Variants in SLC35D2 observed in about 807,000 individuals in gnomAD.
The protein encoded by SLC35D2 is nucleotide sugar transporter SLC35D2.
A neutral mutation model predicts 41.8 loss-of-function variants in SLC35D2; 43 were observed. The ratio of observed to expected loss-of-function variants is 1.03; its 90% CI spans 0.81 to 1.33. The LOEUF is 1.33. SLC35D2 is among the 40% of genes most tolerant of loss of function. The probability of loss-of-function intolerance (pLI) is 0.00; values close to 1 mark genes in which losing one functional copy is unlikely to be tolerated. For missense variants in SLC35D2, 380 were observed against 408.4 expected (o/e 0.93, Z 0.60); for synonymous variants, 150 against 163.9 (o/e 0.92, Z 0.65).
chr9:96,325,596 T>C (rs1167805667), intron 9 of SLC35D2, among the ~76,000 whole-genome samples: 1 of 152,136 alleles, frequency 6.6e-6, no homozygotes, highest in Admixed American at 6.5e-5. Flanking sequence ...AGCAGGAGAA[T>C]TGCTTGAACC....
chr9:96,382,128 G>A (rs1325907282), intron 1 of SLC35D2, among the ~76,000 whole-genome samples: 6 of 152,124 alleles, frequency 3.9e-5, no homozygotes, highest in African/African-American at 1.2e-4. Flanking sequence ...ATAAATATCT[G>A]TTGGAGGTAC....
At chr9:96,365,533 T>C (rs1274733121) in intron 2 of SLC35D2, among the ~76,000 whole-genome samples, 1 of 152,118 alleles carries the variant, frequency 6.6e-6, no homozygotes, top group East Asian at 1.9e-4. Flanking sequence ...ATTTCCCATA[T>C]ACTAAGCATA....
intron 8 of SLC35D2, 127 bp from the exon 9 acceptor site, chr9:96,336,911 C>T (rs1829074221): frequency 9.7e-6 from 6 of 619,604 alleles, no homozygotes; most frequent in Non-Finnish European, 1.7e-5. Context: ...AGCTAAAAAT[C>T]CTAGGTCATA....
chr9:96,315,905 C>T (rs1345355195), downstream of SLC35D2, among the ~76,000 whole-genome samples: 2 of 152,156 alleles, frequency 1.3e-5, no homozygotes, highest in Non-Finnish European at 2.9e-5. Flanking sequence ...AAATATGCCT[C>T]TTTATGAACA....
chr9:96,323,691 C>A (rs1828365154), intron 10 of SLC35D2, among the ~76,000 whole-genome samples: 1 of 152,046 alleles, frequency 6.6e-6, no homozygotes, highest in Non-Finnish European at 1.5e-5. Context: ...CTTTGGGAGG[C>A]CGAGGTGGGT....
intron 8 of SLC35D2, among the ~76,000 whole-genome samples, chr9:96,342,878 A>C (rs1829397839): frequency 6.6e-6 from 1 of 152,194 alleles, no homozygotes; most frequent in Non-Finnish European, 1.5e-5. Flanking sequence ...TTGACTTTCA[A>C]CTGGTGGGCA....
chr9:96,367,919 C>T (rs1050803535), intron 2 of SLC35D2, among the ~76,000 whole-genome samples: 8 of 152,202 alleles, frequency 5.3e-5, no homozygotes, highest in African/African-American at 1.9e-4. Flanking sequence ...CAAGCTGACA[C>T]TTTGAGTGGG....
chr9:96,361,255 T>G (rs1478752757), intron 3 of SLC35D2, among the ~76,000 whole-genome samples: 2 of 152,196 alleles, frequency 1.3e-5, no homozygotes, highest in African/African-American at 4.8e-5. Context: ...AAATGAATCT[T>G]GTTTTTCCCC....
exon 12 of SLC35D2, chr9:96,314,382 A>T (rs1828001445): frequency 1.3e-5 from 2 of 152,272 alleles, no homozygotes; most frequent in Admixed American, 1.3e-4. Context: ...AACATGGTAC[A>T]TACACACCAC....
At chr9:96,339,356 G>T (rs948443311) in intron 8 of SLC35D2, among the ~76,000 whole-genome samples, 1 of 152,036 alleles carries the variant, frequency 6.6e-6, no homozygotes. Flanking sequence ...TGATCTGCCC[G>T]CCTCAACCTC....
At chr9:96,381,442 C>T (rs535754280) in intron 1 of SLC35D2, among the ~76,000 whole-genome samples, 1 of 152,336 alleles carries the variant, frequency 6.6e-6, no homozygotes, top group South Asian at 2.1e-4. Flanking sequence ...TCCTCCAGGC[C>T]TGGAATGCTC....
At chr9:96,331,302 C>T (rs1008691015) in intron 9 of SLC35D2, among the ~76,000 whole-genome samples, 1 of 152,198 alleles carries the variant, frequency 6.6e-6, no homozygotes, top group Admixed American at 6.5e-5. Context: ...CCTCCTCCTT[C>T]TCCTGTATGC....
chr9:96,316,872 C>G (rs1828065126), downstream of SLC35D2, among the ~76,000 whole-genome samples: 2 of 152,166 alleles, frequency 1.3e-5, no homozygotes, highest in South Asian at 4.1e-4. Context: ...GGTGTGGTGG[C>G]TCACGCCTGT....
chr9:96,313,807 G>A (rs996299056), exon 12 of SLC35D2, among the ~76,000 whole-genome samples: 1 of 152,226 alleles, frequency 6.6e-6, no homozygotes, highest in African/African-American at 2.4e-5. Flanking sequence ...CTCTGGTCTT[G>A]TCAGATCATC....
chr9:96,383,187 C>T (rs1395352907), intron 1 of SLC35D2, among the ~76,000 whole-genome samples: 2 of 152,202 alleles, frequency 1.3e-5, no homozygotes, highest in African/African-American at 4.8e-5. Flanking sequence ...CTGTTTTCAG[C>T]TCGCTGGGTG....
At chr9:96,324,254 A>T (rs964400199) in intron 9 of SLC35D2, 85 bp from the exon 10 acceptor site, 1 of 1,056,750 alleles carries the variant, frequency 9.5e-7, no homozygotes, top group Non-Finnish European at 1.4e-6. Flanking sequence ...TGACCCCCAC[A>T]CAAGCACTTT....
chr9:96,347,116 C>G (rs141895383), intron 6 of SLC35D2, among the ~76,000 whole-genome samples: 1 of 152,132 alleles, frequency 6.6e-6, no homozygotes, highest in Admixed American at 6.6e-5. Flanking sequence ...GCAACAAGAG[C>G]GAAACTCTGT....
chr9:96,323,468 G>T (rs774013076), intron 10 of SLC35D2, among the ~76,000 whole-genome samples: 3 of 151,916 alleles, frequency 2.0e-5, no homozygotes, highest in Non-Finnish European at 4.4e-5. Flanking sequence ...GGATCACAAG[G>T]TATCTTGCTA....
chr9:96,316,415 C>A (rs1215799141), downstream of SLC35D2, among the ~76,000 whole-genome samples: 1 of 151,752 alleles, frequency 6.6e-6, no homozygotes, highest in Non-Finnish European at 1.5e-5. Flanking sequence ...GCAGGAGAAT[C>A]CCTTGAACCC....
Sources: allele counts gnomAD v4.1 joint callset (sites outside exome capture counted in the v4.1 genomes callset), GRCh38; gene constraint gnomAD v4.1.1; transcripts MANE v1.5; gene names NCBI Gene and HGNC (gene_info 2026-07-23, HGNC 2026-07-21).